The following CDH23 variants were observed in gnomAD, a reference collection of about 807,000 sequenced individuals.
The protein encoded by CDH23 is cadherin-23.
A neutral mutation model predicts 317.1 loss-of-function variants in CDH23; 189 were observed. The observed-to-expected ratio is 0.60, with a 90% CI of 0.53 to 0.67. The LOEUF (loss-of-function observed/expected upper bound fraction) is 0.67. Ranked by LOEUF, CDH23 falls within the 30% of genes least tolerant of loss-of-function variation. The pLI, the probability that CDH23 is intolerant of heterozygous loss-of-function variation, is 0.00. For synonymous variants in CDH23, 1,839 were observed against 1,876.8 expected (o/e 0.98, Z 0.52); for missense variants, 4,401 against 4,592.4 (o/e 0.96, Z 1.20).
intron 55 of CDH23, among the ~76,000 whole-genome samples, chr10:71,804,752 C>T (rs994867459): frequency 6.6e-6 from 1 of 152,222 alleles, no homozygotes; most frequent in Non-Finnish European, 1.5e-5. Flanking sequence ...CTTCCCACCC[C>T]TCAGCTTTCA....
At chr10:71,499,628 T>C (rs1853168935) in intron 3 of CDH23, among the ~76,000 whole-genome samples, 1 of 150,810 alleles carries the variant, frequency 6.6e-6, no homozygotes, top group African/African-American at 2.4e-5. Context: ...TCACTTGAGG[T>C]AGGGAGTTTG....
chr10:71,786,291 A>G (rs1330091406), intron 44 of CDH23, among the ~76,000 whole-genome samples: 1 of 152,074 alleles, frequency 6.6e-6, no homozygotes, highest in Non-Finnish European at 1.5e-5. Flanking sequence ...CAGCCCATGA[A>G]TCTGTGGTAG....
chr10:71,651,125 G>A (rs1265423782), intron 14 of CDH23, among the ~76,000 whole-genome samples: 1 of 152,216 alleles, frequency 6.6e-6, no homozygotes, highest in African/African-American at 2.4e-5. Flanking sequence ...AGATCAGGGA[G>A]TACGCGAACC....
chr10:71,437,541 C>G (rs973852197), intron 1 of CDH23, among the ~76,000 whole-genome samples: 1 of 152,144 alleles, frequency 6.6e-6, no homozygotes, highest in African/African-American at 2.4e-5. Flanking sequence ...AGGGTAACTC[C>G]ATTATTCTCA....
At chr10:71,435,883 C>T (rs1410650045) in intron 1 of CDH23, among the ~76,000 whole-genome samples, 1 of 152,358 alleles carries the variant, frequency 6.6e-6, no homozygotes, top group East Asian at 1.9e-4. Context: ...AAGCAGCATC[C>T]CTCACCACAC....
chr10:71,730,695 A>T lies in CDH23; in HGVS notation c.3715+91A>T, dbSNP rs1235998445. ...CCCTCCTTCGAAACGGTCATCCCTGATGCTTCAGGCTCCCCATTTAGCCAT... is the reference window on the plus strand; with the variant it reads ...CCCTCCTTCGAAACGGTCATCCCTGTTGCTTCAGGCTCCCCATTTAGCCAT... On this transcript the variant is annotated intron_variant, in intron 31 of 69. Coordinates refer to ENST00000224721, the MANE Select transcript of CDH23 (RefSeq NM_022124.6). 2.0e-5 allele frequency: 31 copies of T among 1,546,420 alleles called. No homozygotes were observed. The East Asian group carries it at 3.5e-4, about 18-fold the overall frequency.
In CDH23 at chr10:71,795,989, G is replaced by A. The variant is rs1046428011; in HGVS notation, c.6713-1115G>A. The A allele has an allele frequency of 8.2e-5, 81 of 985,926 alleles. 1 individual carries two copies. In the Admixed American group the frequency reaches 1.7e-3, roughly 20 times the overall value. The allele number at this position is 985,926 out of a possible 1,614,324, so 61.1% of individuals were successfully genotyped here. On this transcript the variant is annotated intron_variant, in intron 48 of 69. Coordinates refer to ENST00000224721, the MANE Select transcript of CDH23 (RefSeq NM_022124.6). The stretch of plus-strand genomic sequence containing the variant: ...GCCCAGCCTTTGCAGACTGAATGCA[G>A]CCGCCCTCTCCCCATCCTCGCTCCC...
rs139287714 is a variant in CDH23, at chr10:71,646,469, A to G, written c.1301A>G (p.Asn434Ser). 1.3e-4 allele frequency: 208 copies of G among 1,613,652 alleles called. 1 individual carries two copies. The African/African-American group carries it at 2.6e-3, about 20-fold the overall frequency. Residue 434 changes from asparagine (N) to serine (S), a missense_variant, in exon 14 of 70, where the codon AAT becomes AGT. Transcript: ENST00000224721. ...VDRYDFDLFA[N>S]ESVPDHVGYA... is the part of the protein sequence containing the mutation. ...GTTCTGCACCCCCAGCTCTTTGCCA[A>G]TGAGAGTGTGCCTGACCATGTGGGC...
chr10:71,805,760 G>C, intron 55 of CDH23, 46 bp from the exon 56 acceptor site: 1 of 1,560,500 alleles, frequency 6.4e-7, no homozygotes, highest in Non-Finnish European at 8.7e-7. Context: ...TAGGAGCTGA[G>C]ATTCTTTCAG....
chr10:71,708,781 C>G (rs1865874490), intron 26 of CDH23, among the ~76,000 whole-genome samples: 1 of 152,232 alleles, frequency 6.6e-6, no homozygotes, highest in Non-Finnish European at 1.5e-5. Flanking sequence ...ATGGAGAAAC[C>G]CAGAGTGGCA....
chr10:71,510,498 C>T (rs1350391498), intron 4 of CDH23, among the ~76,000 whole-genome samples: 1 of 152,068 alleles, frequency 6.6e-6, no homozygotes, highest in Non-Finnish European at 1.5e-5. Flanking sequence ...TGTAGAATGG[C>T]CCTCCATGGA....
chr10:71,793,517 A>G lies in CDH23; in HGVS notation c.6589A>G (p.Thr2197Ala). Reference sequence around the variant, plus strand: ...GCCAGGCACTGTCATTGCCAATATCACGGCCATTGACCACGACCTCAACCC... The same window carrying G: ...GCCAGGCACTGTCATTGCCAATATCGCGGCCATTGACCACGACCTCAACCC... ...AEPGTVIANI[T>A]AIDHDLNPKL... is the part of the protein sequence containing the mutation. Residue 2197 changes from threonine (T) to alanine (A), a missense_variant, in exon 48 of 70, where the codon ACG (threonine) becomes GCG (alanine). By Grantham distance (58) the Thr-to-Ala change is moderately conservative. Coordinates refer to ENST00000224721, the MANE Select transcript of CDH23 (RefSeq NM_022124.6). 4.3e-6 allele frequency: 7 copies of G among 1,613,770 alleles called. No homozygotes were observed. Among genetic ancestry groups the G allele is most frequent in the Non-Finnish European group, 5.9e-6 (7 of 1,179,832 alleles).
In CDH23 at chr10:71,805,919, GTTC is replaced by G. The variant is rs774559018; in HGVS notation, c.7990_7992del (p.Phe2664del). On this transcript the variant is annotated inframe_deletion, in exon 56 of 70. Transcript: ENST00000224721. ...AGACTGCGGGCAACCGGGACTGGGA[GTTC>G]TTCATCATCGACCCAATCAGCGGCC... 6.2e-6 allele frequency: 10 copies of G among 1,612,212 alleles called. No individual in the cohort carries two copies. The highest frequency in any genetic ancestry group is 4.0e-5 in the African/African-American group (3 of 74,862).
Position 71,566,750 on chromosome 10 carries a change from A to G in CDH23, c.438A>G (p.Pro146=). 6.2e-7 allele frequency: 1 copy of G among 1,603,478 alleles called. No individual in the cohort carries two copies. The change falls in exon 7 of 70, where the codon CCA becomes CCG. Residue 146 remains proline (P), a synonymous_variant. Coordinates refer to ENST00000224721, the MANE Select transcript of CDH23 (RefSeq NM_022124.6). ...TTTGCTCTCATCCCCAGAATACACC[A>G]GTGGGGACGCCCATCTTCATCGTGA... ...PYSVRIPENT[P]VGTPIFIVNA... is the part of the protein sequence containing the mutation.
intron 6 of CDH23, among the ~76,000 whole-genome samples, chr10:71,530,431 C>G (rs896472793): frequency 6.6e-6 from 1 of 152,230 alleles, no homozygotes; most frequent in Admixed American, 6.5e-5. Flanking sequence ...ACTGCCAAGC[C>G]GTTCTCCACC....
At chr10:71,642,306 C>T (rs928770783) in intron 11 of CDH23, among the ~76,000 whole-genome samples, 4 of 151,786 alleles carry the variant, frequency 2.6e-5, no homozygotes, top group Non-Finnish European at 4.4e-5. Context: ...GGGGAATGCC[C>T]GCATCAGACA....
intron 6 of CDH23, among the ~76,000 whole-genome samples, chr10:71,536,248 G>C (rs909432018): frequency 5.3e-5 from 8 of 152,232 alleles, no homozygotes; most frequent in Admixed American, 2.6e-4. Context: ...CACCCTGAAC[G>C]GTATGGCTTG....
intron 6 of CDH23, among the ~76,000 whole-genome samples, chr10:71,557,946 A>C (rs1372558534): frequency 1.3e-5 from 2 of 151,810 alleles, no homozygotes; most frequent in African/African-American, 2.4e-5. Context: ...AGATTTTCTT[A>C]TGTTACTTTT....
intron 29 of CDH23, among the ~76,000 whole-genome samples, chr10:71,724,854 G>C (rs1866737015): frequency 6.6e-6 from 1 of 152,246 alleles, no homozygotes; most frequent in Non-Finnish European, 1.5e-5. Context: ...GTTATGGACT[G>C]ACAGTAGAGG....
Sources: gnomAD v4.1 joint callset for allele counts (sites outside exome capture counted in the v4.1 genomes callset) on GRCh38, gnomAD v4.1.1 for gene constraint, MANE v1.5 for transcripts, NCBI Gene and HGNC (gene_info 2026-07-23, HGNC 2026-07-21) for gene names.